Variants in DCDC2C observed in about 807,000 individuals in gnomAD.
DCDC2C encodes the protein doublecortin domain containing 2C, also known as doublecortin domain-containing protein 2C.
Under a neutral mutation model 45.0 loss-of-function variants are expected in DCDC2C, and 44 were observed. The ratio of observed to expected loss-of-function variants is 0.98; its 90% CI spans 0.77 to 1.26. The LOEUF (loss-of-function observed/expected upper bound fraction) is 1.26, where lower values mean the gene tolerates loss of function less well. Among genes scored for constraint, DCDC2C ranks in the 50% most tolerant of loss-of-function variants. The probability of loss-of-function intolerance (pLI) is 0.00; values close to 1 mark genes in which losing one functional copy is unlikely to be tolerated. For synonymous variants in DCDC2C, 187 were observed against 178.8 expected (o/e 1.05, Z -0.37); for missense variants, 447 against 468.9 (o/e 0.95, Z 0.43).
chr2:3,840,776 G>A (rs1204493535), intron 10 of DCDC2C, among the ~76,000 whole-genome samples: 2 of 152,332 alleles, frequency 1.3e-5, no homozygotes, highest in African/African-American at 4.8e-5. Flanking sequence ...CTCACTCACG[G>A]AGACCTCTGT....
At chr2:3,816,712 C>T (rs932455295) in intron 10 of DCDC2C, among the ~76,000 whole-genome samples, 2 of 152,150 alleles carry the variant, frequency 1.3e-5, no homozygotes, top group Non-Finnish European at 1.5e-5. Flanking sequence ...TTAAGAGAGA[C>T]TTAAGGGTGG....
chr2:3,839,584 C>T (rs986555060), intron 10 of DCDC2C, among the ~76,000 whole-genome samples: 3 of 152,136 alleles, frequency 2.0e-5, no homozygotes, highest in South Asian at 2.1e-4. Flanking sequence ...TGACCTCACA[C>T]GATTGTAATC....
chr2:3,811,644 C>T (rs1157261904), intron 10 of DCDC2C, among the ~76,000 whole-genome samples: 3 of 152,220 alleles, frequency 2.0e-5, no homozygotes, highest in African/African-American at 4.8e-5. Flanking sequence ...GGGAGGGCAC[C>T]CTTGGCTTGT....
Position 3,750,161 on chromosome 2 carries a change from G to A in DCDC2C, c.546-2602G>A, listed in dbSNP as rs555115988. Among the ~76,000 whole-genome samples the A allele has an allele frequency of 3.9e-5, 6 of 152,258 alleles. No individual in the cohort carries two copies. The South Asian group carries it at 1.2e-3, about 32-fold the overall frequency. The stretch of plus-strand genomic sequence containing the variant: ...CAGCAAGCCTTGGAGATTCTGAGCT[G>A]ATTGATTTCCATGTCTTCCCCCTCC... On this transcript the variant is annotated intron_variant, in intron 4 of 10. Transcript: ENST00000399143.
intron 3 of DCDC2C, among the ~76,000 whole-genome samples, chr2:3,730,449 C>T (rs1668833260): frequency 6.6e-6 from 1 of 152,088 alleles, no homozygotes; most frequent in Non-Finnish European, 1.5e-5. Context: ...ACTGTTACTG[C>T]TTGAGACCAT....
chr2:3,809,243 A>G (rs1034076902), intron 10 of DCDC2C, among the ~76,000 whole-genome samples: 9 of 152,210 alleles, frequency 5.9e-5, no homozygotes, highest in African/African-American at 2.2e-4. Flanking sequence ...CAAATAAGTC[A>G]GCGTTAGATG....
At chr2:3,827,055 C>CA (rs1292768682) in intron 10 of DCDC2C, among the ~76,000 whole-genome samples, 1 of 152,014 alleles carries the variant, frequency 6.6e-6, no homozygotes, top group East Asian at 1.9e-4. Flanking sequence ...GAGTCTTGAC[C>CA]AAAGGAGAGG....
chr2:3,743,579 A>G (rs1669275930), intron 4 of DCDC2C, among the ~76,000 whole-genome samples: 1 of 152,248 alleles, frequency 6.6e-6, no homozygotes, highest in South Asian at 2.1e-4. Flanking sequence ...AAAGCTAGAA[A>G]TCAGTAATAG....
intron 10 of DCDC2C, among the ~76,000 whole-genome samples, chr2:3,839,706 T>C (rs1354637043): frequency 6.6e-6 from 1 of 152,244 alleles, no homozygotes; most frequent in Non-Finnish European, 1.5e-5. Flanking sequence ...AACCAGCTCT[T>C]CTGACGGCTT....
chr2:3,811,967 C>A (rs892909856), intron 10 of DCDC2C, among the ~76,000 whole-genome samples: 1 of 152,152 alleles, frequency 6.6e-6, no homozygotes, highest in African/African-American at 2.4e-5. Context: ...TAACGTGCTG[C>A]TGGATTTGGC....
chr2:3,723,830 G>A (rs975693042), intron 2 of DCDC2C, among the ~76,000 whole-genome samples: 5 of 152,060 alleles, frequency 3.3e-5, no homozygotes, highest in Admixed American at 6.5e-5. Context: ...AAATGGGGCC[G>A]GGGTGGCACC....
At chr2:3,721,870 C>T (rs944744148) in intron 2 of DCDC2C, among the ~76,000 whole-genome samples, 3 of 152,218 alleles carry the variant, frequency 2.0e-5, no homozygotes, top group Admixed American at 2.0e-4. Flanking sequence ...TGACTTGCTC[C>T]TCTTTTGCCT....
chr2:3,760,619 G>A (rs1349386080), intron 6 of DCDC2C, among the ~76,000 whole-genome samples: 7 of 152,164 alleles, frequency 4.6e-5, no homozygotes, highest in African/African-American at 1.7e-4. Flanking sequence ...ATACATGGGA[G>A]TCGAACAATG....
At chr2:3,751,120 A>G (rs1028553258) in intron 4 of DCDC2C, among the ~76,000 whole-genome samples, 5 of 152,070 alleles carry the variant, frequency 3.3e-5, no homozygotes, top group Non-Finnish European at 7.4e-5. Flanking sequence ...CTTTGATGGC[A>G]TTTTTCATAT....
At chr2:3,824,564 T>C (rs534723932) in intron 10 of DCDC2C, among the ~76,000 whole-genome samples, 7 of 152,130 alleles carry the variant, frequency 4.6e-5, no homozygotes, top group Non-Finnish European at 1.0e-4. Flanking sequence ...AGGAGTTTAG[T>C]TGAGGTTTGT....
At position 3,761,015 on chromosome 2, in the gene DCDC2C, T is replaced by A. The variant is rs746092327; in HGVS notation, c.726+6381T>A. 6.6e-6 allele frequency among the ~76,000 whole-genome samples: 1 copy of A among 152,234 alleles called. No homozygotes were observed. Among genetic ancestry groups the A allele is most frequent in the African/African-American group, 2.4e-5 (1 of 41,456 alleles). ...ATTGGAAAATATGCCATTATGAGTC[T>A]GCCAGTATCCTGTCTGGCACAATTA... On this transcript the variant is annotated intron_variant, in intron 6 of 10. Coordinates refer to ENST00000399143, the MANE Select transcript of DCDC2C (RefSeq NM_001287444.2). This position sits in a 1 kb window ranked among gnomAD's most constrained non-coding sequence, Gnocchi z 4.3.
intron 3 of DCDC2C, among the ~76,000 whole-genome samples, chr2:3,733,072 G>A (rs922482914): frequency 6.6e-6 from 1 of 152,216 alleles, no homozygotes; most frequent in Non-Finnish European, 1.5e-5. Context: ...GGCAACTGAT[G>A]TCGTGGAGGC....
At position 3,761,388 on chromosome 2, in the gene DCDC2C, C is replaced by CGT. The variant is rs543038047; in HGVS notation, c.727-6356_727-6355dup. On this transcript the variant is annotated intron_variant, in intron 6 of 10. Transcript: ENST00000399143. This position sits in a 1 kb window ranked among gnomAD's most constrained non-coding sequence, Gnocchi z 4.3. The stretch of plus-strand genomic sequence containing the variant: ...AATTAAGGAGGTGCGTGTGTGTGTG[C>CGT]GTGTGTGTGTGCGTGAAAACAGTTG... Among the ~76,000 whole-genome samples the CGT allele has an allele frequency of 0.021, 3,237 of 151,958 alleles. 55 individuals are homozygous for CGT. The highest frequency in any genetic ancestry group is 0.034 in the Non-Finnish European group (2,327 of 67,946).
intron 10 of DCDC2C, among the ~76,000 whole-genome samples, chr2:3,789,281 G>T (rs977509329): frequency 6.6e-6 from 1 of 152,196 alleles, no homozygotes; most frequent in Non-Finnish European, 1.5e-5. Context: ...GCATCCAGAG[G>T]CCTTTTTCCT....
Sources: allele counts gnomAD v4.1 joint callset (sites outside exome capture counted in the v4.1 genomes callset), GRCh38; gene constraint gnomAD v4.1.1; non-coding constraint Gnocchi (gnomAD v3.1); transcripts MANE v1.5; gene names NCBI Gene and HGNC (gene_info 2026-07-23, HGNC 2026-07-21).